The following STPG2 variants were observed in gnomAD, a reference collection of about 807,000 sequenced individuals.
STPG2 encodes the protein sperm-tail PG-rich repeat-containing protein 2.
In STPG2, 56 loss-of-function variants were observed where a neutral mutation model predicts 54.2. The ratio of observed to expected loss-of-function variants is 1.03; its 90% CI spans 0.83 to 1.29. The LOEUF (loss-of-function observed/expected upper bound fraction) is 1.29, where lower values mean the gene tolerates loss of function less well. Among genes scored for constraint, STPG2 ranks in the 50% most tolerant of loss-of-function variants. The pLI is 0.00. For missense variants in STPG2, 596 were observed against 544.9 expected (o/e 1.09, Z -0.93); for synonymous variants, 200 against 181.8 (o/e 1.10, Z -0.81).
chr4:97,905,682 T>A (rs200199794), intron 8 of STPG2, among the ~76,000 whole-genome samples: 1 of 151,962 alleles, frequency 6.6e-6, no homozygotes, highest in Non-Finnish European at 1.5e-5. Context: ...AGAGTCAAGA[T>A]CCATCAGTGT....
At chr4:97,596,139 A>T (rs998936106) in intron 10 of STPG2, among the ~76,000 whole-genome samples, 1 of 152,176 alleles carries the variant, frequency 6.6e-6, no homozygotes, top group African/African-American at 2.4e-5. Context: ...GATGAAACAG[A>T]CTTCAAACTA....
intron 8 of STPG2, among the ~76,000 whole-genome samples, chr4:97,847,330 T>A (rs1728985364): frequency 6.6e-6 from 1 of 152,142 alleles, no homozygotes; most frequent in African/African-American, 2.4e-5. Flanking sequence ...AACATATGCC[T>A]CGTAAAATAC....
chr4:97,928,232 G>A (rs1218444420), intron 8 of STPG2, among the ~76,000 whole-genome samples: 2 of 152,268 alleles, frequency 1.3e-5, no homozygotes, highest in Middle Eastern at 6.8e-3. Flanking sequence ...ATCTGGTAGG[G>A]CAAATGCCCT....
At chr4:98,031,911 T>C (rs1736612702) in intron 5 of STPG2, among the ~76,000 whole-genome samples, 1 of 151,942 alleles carries the variant, frequency 6.6e-6, no homozygotes, top group African/African-American at 2.4e-5. Context: ...GCTAAGGACA[T>C]GAATAGAAAA....
At position 98,110,176 on chromosome 4, in the gene STPG2, G is replaced by GCC. The variant is rs59165834; in HGVS notation, c.388-873_388-872dup. 3.3e-3 allele frequency among the ~76,000 whole-genome samples: 505 copies of GCC among 151,658 alleles called. 4 individuals carry two copies. The highest frequency in any genetic ancestry group is 0.012 in the South Asian group (58 of 4,816). On this transcript the variant is annotated intron_variant, in intron 3 of 10. Coordinates refer to ENST00000295268, the MANE Select transcript of STPG2 (RefSeq NM_174952.3). Reference sequence around the variant, plus strand: ...CCTGACATGAGCAGGGTAAGAGAGAGCCCCCCCAGCCAAGAATGTCAGGCG... The same window carrying GCC: ...CCTGACATGAGCAGGGTAAGAGAGAGCCCCCCCCCAGCCAAGAATGTCAGGCG...
intron 9 of STPG2, among the ~76,000 whole-genome samples, chr4:97,818,247 C>T (rs748948820): frequency 7.2e-5 from 11 of 151,942 alleles, no homozygotes; most frequent in Middle Eastern, 3.4e-3. Flanking sequence ...TTCTTATCCA[C>T]GGGGACACGT....
chr4:97,621,387 C>A (rs923989786), intron 10 of STPG2, among the ~76,000 whole-genome samples: 2 of 151,870 alleles, frequency 1.3e-5, no homozygotes, highest in African/African-American at 2.4e-5. Flanking sequence ...ATTGACAGAC[C>A]ACTAGCTAGA....
chr4:98,096,339 G>A, intron 5 of STPG2, among the ~76,000 whole-genome samples: 1 of 152,084 alleles, frequency 6.6e-6, no homozygotes. Flanking sequence ...CAAGGCTGCA[G>A]TGAGCCATGA....
At chr4:97,462,542 CCTT>C (rs1267131821) in intron 4 of STPG2, among the ~76,000 whole-genome samples, 1 of 151,716 alleles carries the variant, frequency 6.6e-6, no homozygotes, top group Non-Finnish European at 1.5e-5. Flanking sequence ...AATCATAATA[CCTT>C]CTTCTATTTG....
intron 4 of STPG2, among the ~76,000 whole-genome samples, chr4:97,522,673 A>C (rs922331725): frequency 6.6e-6 from 1 of 152,026 alleles, no homozygotes; most frequent in Non-Finnish European, 1.5e-5. Flanking sequence ...CTTAAGTAAT[A>C]GTCTTACTGA....
At chr4:97,502,683 C>T (rs1268386752) in intron 4 of STPG2, among the ~76,000 whole-genome samples, 1 of 150,220 alleles carries the variant, frequency 6.7e-6, no homozygotes, top group African/African-American at 2.5e-5. Context: ...TAGAGCAATC[C>T]ATCTAGAAAA....
At chr4:98,115,707 C>T (rs1739497499) in intron 3 of STPG2, among the ~76,000 whole-genome samples, 1 of 151,846 alleles carries the variant, frequency 6.6e-6, no homozygotes, top group African/African-American at 2.4e-5. Context: ...AAGAGTTACC[C>T]AGAATTATCG....
chr4:97,799,867 AG>A (rs905996152), intron 9 of STPG2, among the ~76,000 whole-genome samples: 25 of 152,132 alleles, frequency 1.6e-4, no homozygotes, highest in African/African-American at 6.0e-4. Context: ...TATTTCTTGG[AG>A]GCTTTGTTCA....
chr4:97,502,696 AAAAT>A (rs1730752269), intron 4 of STPG2, among the ~76,000 whole-genome samples: 1 of 152,026 alleles, frequency 6.6e-6, no homozygotes, highest in Non-Finnish European at 1.5e-5. Flanking sequence ...CTAGAAAAAA[AAAAT>A]AGAGTTGCAA....
intron 8 of STPG2, among the ~76,000 whole-genome samples, chr4:97,851,682 C>T (rs898889871): frequency 9.9e-5 from 15 of 152,130 alleles, no homozygotes; most frequent in Non-Finnish European, 8.8e-5. Context: ...CAAGTACTAA[C>T]TTTCACAAAA....
intron 9 of STPG2, among the ~76,000 whole-genome samples, chr4:97,762,766 T>C (rs774685367): frequency 4.5e-4 from 69 of 152,300 alleles, no homozygotes; most frequent in South Asian, 1.7e-3. Flanking sequence ...TCTTGTGAAA[T>C]ATTTTCATTT....
At chr4:98,122,401 C>T (rs560181558) in intron 3 of STPG2, among the ~76,000 whole-genome samples, 1 of 152,136 alleles carries the variant, frequency 6.6e-6, no homozygotes, top group Non-Finnish European at 1.5e-5. Flanking sequence ...GAGTTTTTAA[C>T]ATGAAAGGAT....
chr4:97,834,114 C>T (rs1322078097), intron 9 of STPG2, among the ~76,000 whole-genome samples: 2 of 152,034 alleles, frequency 1.3e-5, no homozygotes, highest in Non-Finnish European at 2.9e-5. Context: ...AGCCCAAATG[C>T]CCATCAATGA....
At chr4:97,740,802 C>G (rs1171955340) in intron 9 of STPG2, among the ~76,000 whole-genome samples, 3 of 151,950 alleles carry the variant, frequency 2.0e-5, no homozygotes, top group African/African-American at 4.8e-5. Context: ...GTAATTTATA[C>G]ATTCAATGCC....
Sources: allele counts gnomAD v4.1 joint callset (sites outside exome capture counted in the v4.1 genomes callset), GRCh38; gene constraint gnomAD v4.1.1; transcripts MANE v1.5; gene names NCBI Gene and HGNC (gene_info 2026-07-23, HGNC 2026-07-21).